The following FADS2 variants were observed in gnomAD, a reference collection of about 807,000 sequenced individuals.
FADS2 encodes the protein fatty acid desaturase 2, also known as acyl-CoA 6-desaturase.
Under a neutral mutation model 61.2 loss-of-function variants are expected in FADS2, and 18 were observed. That is an observed-to-expected ratio of 0.29 (90% CI 0.20 to 0.44). The LOEUF is 0.44. Among genes scored for constraint, FADS2 ranks in the 20% least tolerant of loss-of-function variants. The pLI is 1.00. For synonymous variants in FADS2, 203 were observed against 223.9 expected (o/e 0.91, Z 0.83); for missense variants, 322 against 572.7 (o/e 0.56, Z 4.47).
intron 4 of FADS2, among the ~76,000 whole-genome samples, chr11:61,841,854 A>G (rs907844915): frequency 6.6e-6 from 1 of 152,234 alleles, no homozygotes; most frequent in African/African-American, 2.4e-5. Flanking sequence ...AAAAGTCATT[A>G]GAAGTGCAGG....
intron 2 of FADS2, among the ~76,000 whole-genome samples, chr11:61,839,620 G>A (rs1468279773): frequency 6.6e-6 from 1 of 152,196 alleles, no homozygotes; most frequent in African/African-American, 2.4e-5. Flanking sequence ...TTAAAAAAGT[G>A]TGGTCAACCA....
chr11:61,834,305 G>A (rs1177110618), intron 1 of FADS2, among the ~76,000 whole-genome samples: 1 of 152,230 alleles, frequency 6.6e-6, no homozygotes, highest in Non-Finnish European at 1.5e-5. Context: ...TGTGGCACGT[G>A]AGAAAAGAGT....
At chr11:61,824,441 AGGGAGGGAGGGAGGGAG>A (rs1565325203), upstream of FADS2, among the ~76,000 whole-genome samples, 2 of 3,550 alleles carry the variant, frequency 5.6e-4, no homozygotes, top group African/African-American at 1.4e-3. Flanking sequence ...AGAGGGAGGG[AGGGAGGGAGGGAGGGAG>A]GGAGAGAGAG....
chr11:61,826,805 C>T (rs1176188475), upstream of FADS2, among the ~76,000 whole-genome samples: 1 of 152,100 alleles, frequency 6.6e-6, no homozygotes, highest in Non-Finnish European at 1.5e-5. Flanking sequence ...CAAGTACAAC[C>T]CCACCAGTTG....
At chr11:61,855,649 A>G (rs1020051780) in intron 5 of FADS2, 1 of 152,282 alleles carries the variant, frequency 6.6e-6, no homozygotes, top group Non-Finnish European at 1.5e-5. Context: ...GACCATGGCC[A>G]TTGGCGCCAA....
chr11:61,840,927 C>G (rs971762119), intron 4 of FADS2, among the ~76,000 whole-genome samples: 1 of 152,192 alleles, frequency 6.6e-6, no homozygotes, highest in African/African-American at 2.4e-5. Context: ...CCATGGTGTA[C>G]TACTCATTAT....
rs140996326 is a variant in FADS2, at chr11:61,834,581, T to G, written c.208-3197T>G. Among the ~76,000 whole-genome samples the G allele has an allele frequency of 6.3e-3, 960 of 152,314 alleles. 5 individuals are homozygous for G. Among genetic ancestry groups the G allele is most frequent in the Non-Finnish European group, 0.012 (793 of 68,010 alleles). Reference sequence around the variant, plus strand: ...CGTCATCTGTCTGCTCCCTTGGAGTTGGAACCTCGACTGCAGGGTTCGGGT... The same window carrying G: ...CGTCATCTGTCTGCTCCCTTGGAGTGGGAACCTCGACTGCAGGGTTCGGGT... On this transcript the variant is annotated intron_variant, in intron 1 of 11. Transcript: ENST00000278840.
rs371522515 is a variant in FADS2, at chr11:61,839,259, C to T, written c.319-1075C>T. ...CAACCCCTCAAGACCCAACAGTGTG[C>T]GCAGAGCAAGTGGTGCTCTGTTTGG... On this transcript the variant is annotated intron_variant, in intron 2 of 11. Coordinates refer to ENST00000278840, the MANE Select transcript of FADS2 (RefSeq NM_004265.4). 2.0e-4 allele frequency among the ~76,000 whole-genome samples: 30 copies of T among 152,166 alleles called. No individual in the cohort carries two copies. The East Asian group carries it at 4.3e-3, about 22-fold the overall frequency.
rs2067480492 is a variant in FADS2, at chr11:61,867,301, T to A, written c.*1612T>A. 1 of 152,048 alleles carries A rather than the reference T, an allele frequency of 6.6e-6. No individual in the cohort carries two copies. The highest frequency in any genetic ancestry group is 2.4e-5 in the African/African-American group (1 of 41,384). 9.4% of individuals were successfully genotyped at this position (152,048 alleles called of 1,614,324 possible). On this transcript the variant is annotated 3_prime_UTR_variant, in exon 12 of 12. Transcript: ENST00000278840. Reference sequence around the variant, plus strand: ...AGGGAGCTGATCGTAATGTTTATCATGTTACTTCCCCACCCCTACATTTTT... The same window carrying A: ...AGGGAGCTGATCGTAATGTTTATCAAGTTACTTCCCCACCCCTACATTTTT...
chr11:61,857,135 T>G, intron 6 of FADS2, 64 bp downstream of exon 6: 8 of 1,332,568 alleles, frequency 6.0e-6, no homozygotes, highest in Non-Finnish European at 8.7e-6. Context: ...GGCGTGTCTC[T>G]CCCTCCTACC....
intron 10 of FADS2, chr11:61,863,990 T>G: frequency 1.8e-6 from 1 of 548,290 alleles, no homozygotes; most frequent in Non-Finnish European, 3.3e-6. Flanking sequence ...GGTCATCCTG[T>G]GCCCCTCATG....
chr11:61,857,117 C>T (rs772641388), intron 6 of FADS2, 46 bp downstream of exon 6: 17 of 1,498,314 alleles, frequency 1.1e-5, no homozygotes, highest in Non-Finnish European at 1.5e-5. Context: ...CTCCCCTCCC[C>T]CCAGAGTGGC....
At chr11:61,862,542 C>A in intron 7 of FADS2, 1 of 200,490 alleles carries the variant, frequency 5.0e-6, no homozygotes, top group Admixed American at 5.5e-5. Context: ...CCCCTCCAAG[C>A]CCTCTGTCCT....
chr11:61,816,400 G>T lies in FADS2; in HGVS notation c.115G>T (p.Ala39Ser), dbSNP rs780458670. 1.9e-6 allele frequency: 3 copies of T among 1,598,490 alleles called. No individual in the cohort carries two copies. The highest frequency in any genetic ancestry group is 2.5e-6 in the Non-Finnish European group (3 of 1,179,790). ...TCTCCCGCCTTTTCATCCCGCATCC[G>T]CAGGACACCCAATCACCGGGCAACA... Residue 39 changes from alanine (A) to serine (S), a missense_variant, in exon 1 of 12, where the codon GCA (alanine) becomes TCA (serine). By Grantham distance (99) the Ala-to-Ser change is moderately conservative. Coordinates refer to the FADS2 transcript ENST00000257261. This position sits in a 1 kb window ranked among gnomAD's most constrained non-coding sequence, Gnocchi z 7.0.
chr11:61,838,852 G>A (rs946218169), intron 2 of FADS2, among the ~76,000 whole-genome samples: 1 of 151,804 alleles, frequency 6.6e-6, no homozygotes, highest in East Asian at 1.9e-4. Context: ...CCTGGCCTGC[G>A]GCTTCCCCAG....
chr11:61,845,444 G>A (rs747812257), intron 4 of FADS2, among the ~76,000 whole-genome samples: 3 of 152,176 alleles, frequency 2.0e-5, no homozygotes, highest in African/African-American at 4.8e-5. Flanking sequence ...CGGGCTTCCC[G>A]GTGCCCGGAA....
At chr11:61,864,943 C>A (rs545295730) in intron 10 of FADS2, among the ~76,000 whole-genome samples, 1 of 152,202 alleles carries the variant, frequency 6.6e-6, no homozygotes, top group Non-Finnish European at 1.5e-5. Flanking sequence ...AGAGCACAAA[C>A]GCCCTCCTGC....
chr11:61,820,631 A>G (rs537858799), intron 1 of FADS2, among the ~76,000 whole-genome samples: 62 of 152,064 alleles, frequency 4.1e-4, no homozygotes, highest in Non-Finnish European at 8.1e-4. Flanking sequence ...CGGGCGTGGC[A>G]GCTCATGCCT....
In FADS2 at chr11:61,861,353, C is replaced by CAAAAAAAAAAAA. The variant is rs58136105; in HGVS notation, c.883-1612_883-1601dup. ...TGGGCGACAGAGCGAGACTCCCTCTCAAAAAAAAAAAAAAAAAACAGAAAT... is the reference window on the plus strand; with the variant it reads ...TGGGCGACAGAGCGAGACTCCCTCTCAAAAAAAAAAAAAAAAAAAAAAAAAAAAAACAGAAAT... On this transcript the variant is annotated intron_variant, in intron 7 of 11. Transcript: ENST00000278840. Among the ~76,000 whole-genome samples, 66 of 29,676 alleles carry CAAAAAAAAAAAA rather than the reference C, an allele frequency of 2.2e-3. 4 individuals are homozygous for CAAAAAAAAAAAA. The highest frequency in any genetic ancestry group is 3.7e-3 in the South Asian group (2 of 546). 19.5% of individuals were successfully genotyped at this position (29,676 alleles called of 152,430 possible).
Sources: gnomAD v4.1 joint callset for allele counts (sites outside exome capture counted in the v4.1 genomes callset) on GRCh38, gnomAD v4.1.1 for gene constraint, Gnocchi (gnomAD v3.1) non-coding constraint, MANE v1.5 for transcripts, NCBI Gene and HGNC (gene_info 2026-07-23, HGNC 2026-07-21) for gene names.